The following RASEF variants were observed in gnomAD, a reference collection of about 807,000 sequenced individuals.
RASEF encodes RAS and EF-hand domain containing.
Under a neutral mutation model 90.1 loss-of-function variants are expected in RASEF, and 68 were observed. The ratio of observed to expected loss-of-function variants is 0.75; its 90% CI spans 0.62 to 0.92. The LOEUF (loss-of-function observed/expected upper bound fraction) is 0.92. Among genes scored for constraint, RASEF ranks in the 40% least tolerant of loss-of-function variants. The pLI is 0.00. For missense variants in RASEF, 949 were observed against 937.2 expected, an observed-to-expected ratio of 1.01 and a Z score of -0.16; for synonymous variants, 331 against 345.2, an observed-to-expected ratio of 0.96 and a Z score of 0.46.
At chr9:83,049,149 G>T in intron 1 of RASEF, 9 of 210,586 alleles carry the variant, frequency 4.3e-5, no homozygotes, top group Non-Finnish European at 7.3e-5. Context: ...AAAGAATCCT[G>T]TGAATTCCAG....
At chr9:83,153,330 T>C in the RASEF span, among the ~76,000 whole-genome samples, 7 of 152,306 alleles carry the variant, frequency 4.6e-5, no homozygotes, top group African/African-American at 1.7e-4. Context: ...AAATGGTATA[T>C]ATCTGATTAA....
chr9:83,180,917 G>A, the RASEF span, among the ~76,000 whole-genome samples: 1 of 151,858 alleles, frequency 6.6e-6, no homozygotes, highest in African/African-American at 2.4e-5. Context: ...ATCTCAGAAA[G>A]TAAGAGTATA....
the RASEF span, among the ~76,000 whole-genome samples, chr9:83,164,830 T>C: frequency 1.1e-4 from 17 of 152,100 alleles, no homozygotes; most frequent in African/African-American, 2.9e-4. Flanking sequence ...ATGTTCATAC[T>C]AATCAAAGGA....
chr9:83,197,959 C>T, the RASEF span, among the ~76,000 whole-genome samples: 131 of 152,302 alleles, frequency 8.6e-4, 5 homozygotes, highest in African/African-American at 8.4e-4. Flanking sequence ...AATGGTAGCA[C>T]GGCTTTGCAC....
chr9:83,004,547 T>C lies in RASEF; in HGVS notation c.1153A>G (p.Ser385Gly). 1 of 1,601,450 alleles carries C rather than the reference T, an allele frequency of 6.2e-7. No homozygotes were observed. The highest frequency in any genetic ancestry group is 8.6e-7 in the Non-Finnish European group (1 of 1,168,500). Residue 385 changes from serine (S) to glycine (G), a missense_variant, in exon 9 of 17, where the codon AGC becomes GGC. By Grantham distance (56) the Ser-to-Gly change is moderately conservative. Transcript: ENST00000376447. ...GAATGACCAATGAATTTGGGACTGC[T>C]TCTAGAAATTGTATTCCCTGGTGAG... ...NISPGNTISR[S>G]SPKFIGHSPQ...
the RASEF span, among the ~76,000 whole-genome samples, chr9:83,079,120 C>A: frequency 6.6e-6 from 1 of 152,152 alleles, no homozygotes; most frequent in Non-Finnish European, 1.5e-5. Context: ...GTCATGAAAT[C>A]TTTGCCCATT....
the RASEF span, among the ~76,000 whole-genome samples, chr9:83,109,277 C>A: frequency 6.6e-6 from 1 of 152,142 alleles, no homozygotes; most frequent in Non-Finnish European, 1.5e-5. Context: ...AAACAAAAGT[C>A]ATTATTTTAT....
chr9:83,055,499 C>G (rs1033998194), intron 1 of RASEF: 19 of 686,628 alleles, frequency 2.8e-5, no homozygotes, highest in Non-Finnish European at 3.7e-5. Flanking sequence ...AGAAATCACC[C>G]GTCTTCTGCG....
chr9:83,007,316 C>T (rs529054498), intron 7 of RASEF, 121 bp downstream of exon 7: 57 of 756,740 alleles, frequency 7.5e-5, no homozygotes, highest in Non-Finnish European at 1.3e-4. Flanking sequence ...AGAAGAAACA[C>T]CCACTGACCT....
chr9:83,158,580 TTATATGTATATATGTCCAAATATATACA>T, the RASEF span, among the ~76,000 whole-genome samples: 1 of 143,624 alleles, frequency 7.0e-6, no homozygotes, highest in Non-Finnish European at 1.5e-5. Flanking sequence ...GTATATATGT[TTATATGTATATATGTCCAAATATATACA>T]TATATGTATA....
chr9:83,002,077 A>G (rs1330853326), intron 9 of RASEF, among the ~76,000 whole-genome samples: 1 of 152,178 alleles, frequency 6.6e-6, no homozygotes, highest in Admixed American at 6.6e-5. Flanking sequence ...TTTCCATAAG[A>G]ATCTAAGTTT....
intron 1 of RASEF, among the ~76,000 whole-genome samples, chr9:83,058,332 G>A (rs562905516): frequency 2.0e-5 from 3 of 150,526 alleles, no homozygotes; most frequent in Admixed American, 1.3e-4. Context: ...ACAGGTGCCC[G>A]CTACCACGCC....
rs1287072235 is a variant in RASEF at position 82,997,133 on chromosome 9, A to G, written c.1806-7T>C. The stretch of plus-strand genomic sequence containing the variant: ...CTTGGCAATACTTCTGAATCTGAGA[A>G]AGAGAAAACCACATCATCAGTCAGT... On this transcript the variant is annotated splice_region_variant and splice_polypyrimidine_tract_variant and intron_variant, in intron 13 of 16. Coordinates refer to ENST00000376447, the MANE Select transcript of RASEF (RefSeq NM_152573.4). The G allele has an allele frequency of 5.2e-6, 8 of 1,545,768 alleles. No homozygotes were observed. In the Admixed American group the frequency reaches 1.0e-4, roughly 19 times the overall value.
intron 1 of RASEF, chr9:83,049,350 C>G (rs1016367008): frequency 8.1e-6 from 8 of 984,994 alleles, no homozygotes; most frequent in Non-Finnish European, 9.6e-6. Context: ...TACATCTCCA[C>G]AGTCAATGTC....
the RASEF span, among the ~76,000 whole-genome samples, chr9:83,217,700 T>C: frequency 6.6e-6 from 1 of 152,194 alleles, no homozygotes; most frequent in African/African-American, 2.4e-5. Context: ...TTAAACCTAT[T>C]TTTCTTTATA....
At chr9:83,076,924 A>G in the RASEF span, among the ~76,000 whole-genome samples, 1 of 152,160 alleles carries the variant, frequency 6.6e-6, no homozygotes, top group African/African-American at 2.4e-5. Flanking sequence ...ATCAGAAGTC[A>G]CTCATGACTG....
chr9:83,177,433 A>G, the RASEF span, among the ~76,000 whole-genome samples: 4 of 152,244 alleles, frequency 2.6e-5, no homozygotes, highest in East Asian at 1.9e-4. Context: ...GTGTCTGTAT[A>G]TCGTCTTCAT....
the RASEF span, among the ~76,000 whole-genome samples, chr9:83,174,124 G>A: frequency 6.6e-6 from 1 of 151,010 alleles, no homozygotes; most frequent in Non-Finnish European, 1.5e-5. Context: ...CTTCCTTAAT[G>A]GTGTCCTTGG....
chr9:83,127,400 A>G, the RASEF span, among the ~76,000 whole-genome samples: 3 of 152,118 alleles, frequency 2.0e-5, no homozygotes, highest in Non-Finnish European at 4.4e-5. Flanking sequence ...AATTTTATTT[A>G]GGGTCCCCAG....
Sources: allele counts gnomAD v4.1 joint callset (sites outside exome capture counted in the v4.1 genomes callset), GRCh38; gene constraint gnomAD v4.1.1; transcripts MANE v1.5; gene names NCBI Gene and HGNC (gene_info 2026-07-23, HGNC 2026-07-21).